KIAA1549: variants seen among roughly 807,000 people sequenced by gnomAD.
KIAA1549 encodes KIAA1549, also known as UPF0606 protein KIAA1549.
Under a neutral mutation model 156.4 loss-of-function variants are expected in KIAA1549, and 70 were observed. The ratio of observed to expected loss-of-function variants is 0.45; its 90% confidence interval spans 0.37 to 0.55. The LOEUF (loss-of-function observed/expected upper bound fraction) is 0.55, where lower values mean the gene tolerates loss of function less well. Ranked by LOEUF, KIAA1549 falls within the 20% of genes least tolerant of loss-of-function variation. The probability of loss-of-function intolerance (pLI) is 0.00; values close to 1 mark genes in which losing one functional copy is unlikely to be tolerated. For missense variants in KIAA1549, 2,428 were observed against 2,540.9 expected (o/e 0.96, Z 0.96); for synonymous variants, 1,103 against 1,066.4 (o/e 1.03, Z -0.67).
intron 1 of KIAA1549, among the ~76,000 whole-genome samples, chr7:138,965,646 GA>G (rs1554429272): frequency 6.6e-6 from 1 of 152,026 alleles, no homozygotes; most frequent in Non-Finnish European, 1.5e-5. Context: ...AGTGTGAAGC[GA>G]AAAAAAGCAA....
chr7:138,888,782 G>A (rs908598015), intron 10 of KIAA1549, among the ~76,000 whole-genome samples: 2 of 152,086 alleles, frequency 1.3e-5, no homozygotes, highest in Non-Finnish European at 2.9e-5. Flanking sequence ...CCTAATTTAT[G>A]AAATATATAA....
intron 8 of KIAA1549, among the ~76,000 whole-genome samples, chr7:138,900,116 G>A (rs151242695): frequency 1.3e-3 from 197 of 152,260 alleles, no homozygotes; most frequent in African/African-American, 3.1e-3. Flanking sequence ...CTGTCCACAC[G>A]TATGGGTTTG....
chr7:138,869,373 T>C (rs1052858370), intron 14 of KIAA1549, among the ~76,000 whole-genome samples, 165 bp downstream of exon 14: 2 of 152,230 alleles, frequency 1.3e-5, no homozygotes, highest in Non-Finnish European at 2.9e-5. Flanking sequence ...CACATCCTTC[T>C]GTGCATGAGC....
rs2130386279 is a variant in KIAA1549, at chr7:138,871,355, T to C, written c.4353A>G (p.Pro1451=). The C allele has an allele frequency of 1.3e-6, 2 of 1,534,724 alleles. No homozygotes were observed. Among genetic ancestry groups the C allele is most frequent in the Non-Finnish European group, 1.8e-6 (2 of 1,142,726 alleles). The change falls in exon 13 of 20, where the codon CCA becomes CCG. Residue 1451 remains proline, a synonymous_variant. Transcript: ENST00000422774. ...RSHRAPQSGP[P]LPSSGNEQHS... is the part of the protein sequence containing the mutation. Reference sequence around the variant, plus strand: ...GCTGCTCATTTCCCGAACTGGGCAGTGGTGGCCCTGGAACAGAAGGAAAAG... The same window carrying C: ...GCTGCTCATTTCCCGAACTGGGCAGCGGTGGCCCTGGAACAGAAGGAAAAG...
Position 138,918,688 on chromosome 7 carries a change from T to C in KIAA1549, c.938A>G (p.Glu313Gly), listed in dbSNP as rs1433078436. 2 of 1,613,592 alleles carry C rather than the reference T, an allele frequency of 1.2e-6. No individual in the cohort carries two copies. The highest frequency in any genetic ancestry group is 8.5e-7 in the Non-Finnish European group (1 of 1,179,880). The change falls in exon 2 of 20, where the codon GAG becomes GGG. Residue 313 changes from glutamate to glycine, a missense_variant. Around this residue, in one of 5 missense-constraint regions of KIAA1549, gnomAD observed 893 missense variants for 847.9 expected, o/e 1.05. Transcript: ENST00000422774. This position sits in a 1 kb window ranked among gnomAD's most constrained non-coding sequence, Gnocchi z 4.2. ...SLGEVSQPPE[E>G]VWATSADRYT... is the part of the protein sequence containing the mutation. ...TCTGTCTGCACTTGTGGCCCAAACCTCCTCTGGAGGCTGTGAGACCTCCCC... is the reference window on the plus strand; with the variant it reads ...TCTGTCTGCACTTGTGGCCCAAACCCCCTCTGGAGGCTGTGAGACCTCCCC...
intron 1 of KIAA1549, among the ~76,000 whole-genome samples, chr7:138,955,800 C>T (rs1030860063): frequency 6.6e-6 from 1 of 152,162 alleles, no homozygotes; most frequent in African/African-American, 2.4e-5. Context: ...AAAGTACCTA[C>T]AAATGAGGAC....
rs267601311 is a variant in KIAA1549, at chr7:138,881,416, G to C, written c.4201C>G (p.Pro1401Ala). Reference protein sequence around the residue: ...GDVPSPKSKIPSKNVRHRGRV... With the variant: ...GDVPSPKSKIASKNVRHRGRV... Reference sequence around the variant, plus strand: ...CCTCTGTGACGAACATTCTTGGAAGGGATCTTTGACTTGGGGCTTGGCACG... The same window carrying C: ...CCTCTGTGACGAACATTCTTGGAAGCGATCTTTGACTTGGGGCTTGGCACG... Residue 1401 changes from proline to alanine, a missense_variant, in exon 11 of 20, where the codon CCT becomes GCT. Physicochemically the swap from Pro to Ala is conservative, Grantham distance 27. Around this residue, in one of 5 missense-constraint regions of KIAA1549, gnomAD observed 404 missense variants for 417.0 expected, o/e 0.97. Transcript: ENST00000422774. The C allele has an allele frequency of 1.9e-6, 3 of 1,613,890 alleles. No homozygotes were observed. The highest frequency in any genetic ancestry group is 3.3e-5 in the Admixed American group (2 of 59,984).
chr7:138,929,809 A>G (rs1812821790), intron 1 of KIAA1549, among the ~76,000 whole-genome samples: 1 of 151,794 alleles, frequency 6.6e-6, no homozygotes, highest in South Asian at 2.1e-4. Flanking sequence ...CCACAGCTCA[A>G]CCTCCCAAAC....
chr7:138,951,498 C>A (rs1295431502), intron 1 of KIAA1549, among the ~76,000 whole-genome samples: 1 of 152,192 alleles, frequency 6.6e-6, no homozygotes, highest in Non-Finnish European at 1.5e-5. Flanking sequence ...GAATGGTCTG[C>A]TTACACAGGC....
intron 1 of KIAA1549, among the ~76,000 whole-genome samples, chr7:138,930,227 C>T (rs1812832941): frequency 6.6e-6 from 1 of 152,210 alleles, no homozygotes; most frequent in South Asian, 2.1e-4. Flanking sequence ...CACAGATGTG[C>T]TGTCATCTAG....
chr7:138,863,233 G>T (rs1221640829), intron 15 of KIAA1549, among the ~76,000 whole-genome samples: 3 of 151,488 alleles, frequency 2.0e-5, no homozygotes, highest in Non-Finnish European at 4.4e-5. Context: ...TACCCTCTGT[G>T]AGGAAGGGTG....
At chr7:138,894,319 TG>T (rs1291166982) in intron 10 of KIAA1549, 22 bp downstream of exon 10, 1 of 1,612,602 alleles carries the variant, frequency 6.2e-7, no homozygotes, top group African/African-American at 1.3e-5. Flanking sequence ...ATAGGAACAC[TG>T]GGGGAAGAGG....
rs2130482418 is a variant in KIAA1549 at position 138,918,710 on chromosome 7, C to T, written c.916G>A (p.Glu306Lys). 1 of 1,613,776 alleles carries T rather than the reference C, an allele frequency of 6.2e-7. No homozygotes were observed. Among genetic ancestry groups the T allele is most frequent in the Non-Finnish European group, 8.5e-7 (1 of 1,179,890 alleles). ...GITIPLPSLGEVSQPPEEVWA... is the reference protein window; with the variant it reads ...GITIPLPSLGKVSQPPEEVWA... The stretch of plus-strand genomic sequence containing the variant: ...ACCTCCTCTGGAGGCTGTGAGACCT[C>T]CCCCAAGGAGGGCAACGGTATAGTA... Residue 306 changes from glutamate (E) to lysine (K), a missense_variant, in exon 2 of 20, where the codon GAG becomes AAG. Coordinates refer to ENST00000422774, the MANE Select transcript of KIAA1549 (RefSeq NM_001164665.2). The surrounding 1 kb of genome is among the most constrained non-coding windows in gnomAD (Gnocchi z 4.2).
At position 138,917,886 on chromosome 7, in the gene KIAA1549, C is replaced by T. The variant is rs185123082; in HGVS notation, c.1740G>A (p.Ser580=). Reference sequence around the variant, plus strand: ...AAACACTCGGGTCTCTGACGGCAAGCGACGGTGTGTTTTTGTTTGCTATGA... The same window carrying T: ...AAACACTCGGGTCTCTGACGGCAAGTGACGGTGTGTTTTTGTTTGCTATGA... The part of the protein sequence containing the change: ...FSVIANKNTP[S]LAVRDPSVFT... The change falls in exon 2 of 20, where the codon TCG becomes TCA. Residue 580 remains serine (S), a synonymous_variant. Transcript: ENST00000422774. 1.5e-4 allele frequency: 239 copies of T among 1,603,196 alleles called. 2 individuals carry two copies. In the East Asian group the frequency reaches 5.0e-3, roughly 33 times the overall value.
At chr7:138,944,861 G>C (rs1813293935) in intron 1 of KIAA1549, among the ~76,000 whole-genome samples, 1 of 152,198 alleles carries the variant, frequency 6.6e-6, no homozygotes, top group African/African-American at 2.4e-5. Context: ...GAGGCAGAAT[G>C]CAGTTAGTGG....
intron 1 of KIAA1549, among the ~76,000 whole-genome samples, chr7:138,933,602 T>G (rs1812930245): frequency 6.6e-6 from 1 of 152,232 alleles, no homozygotes; most frequent in Admixed American, 6.5e-5. Flanking sequence ...AAGATGTTAT[T>G]ATTAGGGGAA....
At chr7:138,964,957 GTTTTTTTTTC>G (rs1403691605) in intron 1 of KIAA1549, among the ~76,000 whole-genome samples, 1 of 149,392 alleles carries the variant, frequency 6.7e-6, no homozygotes, top group Non-Finnish European at 1.5e-5. Flanking sequence ...TTTTTTCTTT[GTTTTTTTTTC>G]TTTTTTTTTT....
intron 1 of KIAA1549, among the ~76,000 whole-genome samples, chr7:138,949,609 A>G (rs2130537602): frequency 6.6e-6 from 1 of 152,272 alleles, no homozygotes; most frequent in South Asian, 2.1e-4. Flanking sequence ...CCAGTATTCA[A>G]GCGCCAACCA....
chr7:138,917,881 G>C lies in KIAA1549; in HGVS notation c.1745C>G (p.Ala582Gly), dbSNP rs766626233. 1.9e-6 allele frequency: 3 copies of C among 1,603,246 alleles called. No homozygotes were observed. In the African/African-American group the frequency reaches 4.0e-5, roughly 21 times the overall value. Residue 582 changes from alanine to glycine, a missense_variant, in exon 2 of 20, where the codon GCC (alanine) becomes GGC (glycine). Coordinates refer to ENST00000422774, the MANE Select transcript of KIAA1549 (RefSeq NM_001164665.2). Reference sequence around the variant, plus strand: ...CGTAAAAACACTCGGGTCTCTGACGGCAAGCGACGGTGTGTTTTTGTTTGC... The same window carrying C: ...CGTAAAAACACTCGGGTCTCTGACGCCAAGCGACGGTGTGTTTTTGTTTGC... ...VIANKNTPSL[A>G]VRDPSVFTPY...
Sources: allele counts gnomAD v4.1 joint callset (sites outside exome capture counted in the v4.1 genomes callset), GRCh38; gene constraint gnomAD v4.1.1; regional missense constraint gnomAD v4.1.1; non-coding constraint Gnocchi (gnomAD v3.1); transcripts MANE v1.5; gene names NCBI Gene and HGNC (gene_info 2026-07-23, HGNC 2026-07-21).